Variants in KANSL1 observed in about 807,000 individuals in gnomAD.
KANSL1 encodes KAT8 regulatory NSL complex subunit 1, also known as MLL1/MLL complex subunit KANSL1.
Under a neutral mutation model 103.6 loss-of-function variants are expected in KANSL1, and 22 were observed. The observed-to-expected ratio is 0.21, with a 90% CI of 0.15 to 0.30. The LOEUF (loss-of-function observed/expected upper bound fraction) is 0.30, where lower values mean the gene tolerates loss of function less well. Ranked by LOEUF, KANSL1 falls within the 10% of genes least tolerant of loss-of-function variation. The probability of loss-of-function intolerance (pLI) is 1.00; values close to 1 mark genes in which losing one functional copy is unlikely to be tolerated. For missense variants in KANSL1, 1,337 were observed against 1,399.8 expected (o/e 0.96, Z 0.72); for synonymous variants, 600 against 527.6 (o/e 1.14, Z -1.88).
At chr17:46,168,755 AT>A (rs1469091730) in intron 2 of KANSL1, among the ~76,000 whole-genome samples, 1 of 152,250 alleles carries the variant, frequency 6.6e-6, no homozygotes, top group Non-Finnish European at 1.5e-5. Flanking sequence ...GTATCAGTTG[AT>A]TTAATTGCAA....
At chr17:46,118,621 G>C (rs2043144575) in intron 2 of KANSL1, among the ~76,000 whole-genome samples, 1 of 152,236 alleles carries the variant, frequency 6.6e-6, no homozygotes, top group Admixed American at 6.5e-5. Context: ...ACTACACTTT[G>C]ATGGTCTAGA....
intron 2 of KANSL1, among the ~76,000 whole-genome samples, chr17:46,152,584 G>T (rs994816639): frequency 9.3e-5 from 9 of 97,002 alleles, no homozygotes; most frequent in South Asian, 3.1e-4. Flanking sequence ...AGACACAAAG[G>T]GGGGGGGGGG....
In KANSL1 at chr17:46,032,203, G is replaced by C. The variant is rs753548997; in HGVS notation, c.2934C>G (p.His978Gln). ...QPASPDVSSS[H>Q]SLSEYSHGQS... is the part of the protein sequence containing the mutation. ...GACCATGGGAGTATTCTGACAAAGA[G>C]TGGCTACTGCTGACATCAGGGGAGG... is the stretch of plus-strand genomic sequence containing the variant. The change falls in exon 14 of 15, where the codon CAC becomes CAG. Residue 978 changes from histidine to glutamine, a missense_variant. Physicochemically the swap from His to Gln is conservative, Grantham distance 24. Coordinates refer to ENST00000432791, the MANE Select transcript of KANSL1 (RefSeq NM_015443.4). 6.2e-7 allele frequency: 1 copy of C among 1,606,078 alleles called. No homozygotes were observed. Among genetic ancestry groups the C allele is most frequent in the Non-Finnish European group, 8.5e-7 (1 of 1,174,794 alleles).
At chr17:46,162,148 T>C (rs985454775) in intron 2 of KANSL1, among the ~76,000 whole-genome samples, 8 of 152,264 alleles carry the variant, frequency 5.3e-5, no homozygotes, top group African/African-American at 1.9e-4. Context: ...TTTCTTTACA[T>C]TGGATATGTA....
Position 46,031,322 on chromosome 17 carries a change from CAAG to C in KANSL1, c.*151_*153del. The C allele has an allele frequency of 3.9e-6, 3 of 763,148 alleles. No homozygotes were observed. The highest frequency in any genetic ancestry group is 4.1e-6 in the Non-Finnish European group (2 of 486,096). 47.3% of individuals were successfully genotyped at this position (763,148 alleles called of 1,614,324 possible). A position where few individuals can be genotyped will look rare whatever the true frequency, so the allele number is the denominator to read the frequency against. ...AACAAAAACAAAACAAAAATTAAAACAAGAAAAAAAAATACCAAAGTAGGATCT... is the reference window on the plus strand; with the variant it reads ...AACAAAAACAAAACAAAAATTAAAACAAAAAAAAATACCAAAGTAGGATCT... On this transcript the variant is annotated 3_prime_UTR_variant, in exon 15 of 15. Transcript: ENST00000432791.
Position 46,132,944 on chromosome 17 carries a change from G to A in KANSL1, c.1289+37911C>T, listed in dbSNP as rs533806471. 5.9e-4 allele frequency among the ~76,000 whole-genome samples: 89 copies of A among 152,046 alleles called. 1 individual carries two copies. Among genetic ancestry groups the A allele is most frequent in the African/African-American group, 1.9e-3 (77 of 41,472 alleles). Reference sequence around the variant, plus strand: ...GGGCGACACAGCAAGACCGTGTCTCGAAAAAAACAAAAGTAAGCAGATGGA... The same window carrying A: ...GGGCGACACAGCAAGACCGTGTCTCAAAAAAAACAAAAGTAAGCAGATGGA... On this transcript the variant is annotated intron_variant, in intron 2 of 14. Transcript: ENST00000432791.
chr17:46,124,578 A>G (rs1296945114), intron 2 of KANSL1, among the ~76,000 whole-genome samples: 1 of 152,254 alleles, frequency 6.6e-6, no homozygotes, highest in Non-Finnish European at 1.5e-5. Context: ...GCTGCCATAG[A>G]TAGTGATTCT....
intron 2 of KANSL1, among the ~76,000 whole-genome samples, chr17:46,148,588 AC>A (rs2044867794): frequency 7.3e-6 from 1 of 137,344 alleles, no homozygotes; most frequent in South Asian, 2.2e-4. Flanking sequence ...TCCTTCACTT[AC>A]CTTTTTTTTT....
chr17:46,068,767 C>A (rs898466511), intron 4 of KANSL1, among the ~76,000 whole-genome samples: 2 of 151,982 alleles, frequency 1.3e-5, no homozygotes, highest in Non-Finnish European at 2.9e-5. Flanking sequence ...TTGCAGTATT[C>A]AAAACAAATT....
intron 3 of KANSL1, among the ~76,000 whole-genome samples, chr17:46,092,157 T>C (rs376486691): frequency 2.0e-5 from 3 of 152,304 alleles, no homozygotes; most frequent in African/African-American, 7.2e-5. Context: ...TTAAGTGCAC[T>C]TTATGATGTT....
chr17:46,134,800 G>A (rs2044039836), intron 2 of KANSL1, among the ~76,000 whole-genome samples: 1 of 152,104 alleles, frequency 6.6e-6, no homozygotes, highest in Non-Finnish European at 1.5e-5. Flanking sequence ...AGCTAAGGTG[G>A]TGCCACTGCA....
intron 6 of KANSL1, among the ~76,000 whole-genome samples, chr17:46,052,964 C>CAAAAAAAAAAAAAAAAA (rs34473927): frequency 2.4e-4 from 8 of 33,002 alleles, no homozygotes; most frequent in Admixed American, 3.9e-4. Context: ...ATCCTGTCTC[C>CAAAAAAAAAAAAAAAAA]AAAAAAAAAA....
intron 4 of KANSL1, among the ~76,000 whole-genome samples, chr17:46,075,164 T>G (rs955146566): frequency 2.6e-5 from 4 of 152,218 alleles, no homozygotes; most frequent in Admixed American, 2.6e-4. Context: ...AGGACATTAA[T>G]AAGAAAACTA....
chr17:46,139,046 A>G (rs971938918), intron 2 of KANSL1, among the ~76,000 whole-genome samples: 1 of 152,230 alleles, frequency 6.6e-6, no homozygotes, highest in Non-Finnish European at 1.5e-5. Flanking sequence ...CTTGAGTTTT[A>G]AGGAAGAAAC....
intron 1 of KANSL1, among the ~76,000 whole-genome samples, chr17:46,179,750 G>T (rs1237461937): frequency 1.3e-5 from 2 of 152,186 alleles, no homozygotes; most frequent in Non-Finnish European, 2.9e-5. Context: ...TGTGGGAAAA[G>T]GCGACATTCT....
chr17:46,084,495 G>A (rs1003233521), intron 3 of KANSL1, among the ~76,000 whole-genome samples: 15 of 151,690 alleles, frequency 9.9e-5, no homozygotes, highest in African/African-American at 1.7e-4. Context: ...CAGCCTGGCC[G>A]ACACAGTGAA....
intron 1 of KANSL1, among the ~76,000 whole-genome samples, chr17:46,212,123 T>C (rs2048185465): frequency 6.6e-6 from 1 of 152,254 alleles, no homozygotes; most frequent in Non-Finnish European, 1.5e-5. Flanking sequence ...TACTAGAACA[T>C]ATATACATTC....
intron 2 of KANSL1, chr17:46,119,965 T>TACC (rs1460936550): frequency 6.6e-6 from 1 of 152,268 alleles, no homozygotes; most frequent in African/African-American, 2.4e-5. Context: ...AGACCTTACC[T>TACC]ACCTCTTGGA....
At chr17:46,083,152 T>C (rs918308650) in intron 3 of KANSL1, among the ~76,000 whole-genome samples, 1 of 152,026 alleles carries the variant, frequency 6.6e-6, no homozygotes, top group Non-Finnish European at 1.5e-5. Context: ...CAGGAAACAA[T>C]TTACATAAAA....
Sources: allele counts gnomAD v4.1 joint callset (sites outside exome capture counted in the v4.1 genomes callset), GRCh38; gene constraint gnomAD v4.1.1; transcripts MANE v1.5; gene names NCBI Gene and HGNC (gene_info 2026-07-23, HGNC 2026-07-21).